TEX9: variants seen among roughly 807,000 people sequenced by gnomAD.
TEX9 encodes the protein testis-expressed protein 9.
Under a neutral mutation model 59.6 loss-of-function variants are expected in TEX9, and 74 were observed. That is an observed-to-expected ratio of 1.24 (90% CI 1.03 to 1.51). The LOEUF (loss-of-function observed/expected upper bound fraction) is 1.51. TEX9 is among the 40% of genes most tolerant of loss of function. TEX9 has a pLI of 0.00. For synonymous variants in TEX9, 186 were observed against 152.2 expected (o/e 1.22, Z -1.64); for missense variants, 522 against 447.8 (o/e 1.17, Z -1.49).
chr15:56,328,702 G>T (rs2046078758), intron 1 of TEX9, among the ~76,000 whole-genome samples: 1 of 152,142 alleles, frequency 6.6e-6, no homozygotes, highest in Non-Finnish European at 1.5e-5. Context: ...TCTGCTTGTG[G>T]AAAGGGGAGA....
At chr15:56,416,311 C>T (rs2049683684) in intron 10 of TEX9, among the ~76,000 whole-genome samples, 1 of 151,838 alleles carries the variant, frequency 6.6e-6, no homozygotes, top group Non-Finnish European at 1.5e-5. Context: ...GGGAATGCTT[C>T]CAGCTTTTGT....
intron 3 of TEX9, among the ~76,000 whole-genome samples, chr15:56,379,364 G>A (rs1288128280): frequency 6.6e-6 from 1 of 152,110 alleles, no homozygotes; most frequent in Non-Finnish European, 1.5e-5. Context: ...AGTTTCCAAA[G>A]TTCTGGTTAT....
chr15:56,272,345 A>C (rs80287334), intron 1 of TEX9, among the ~76,000 whole-genome samples: 2 of 152,214 alleles, frequency 1.3e-5, no homozygotes, highest in East Asian at 3.9e-4. Context: ...CATATTATGG[A>C]TATTTCATAT....
At chr15:56,301,525 A>G (rs1335113024) in intron 1 of TEX9, among the ~76,000 whole-genome samples, 2 of 152,164 alleles carry the variant, frequency 1.3e-5, no homozygotes, top group African/African-American at 2.4e-5. Context: ...GGATAAAGAA[A>G]GGATGCTAAA....
chr15:56,404,686 T>A (rs1416659168), intron 9 of TEX9, among the ~76,000 whole-genome samples: 1 of 152,216 alleles, frequency 6.6e-6, no homozygotes, highest in Non-Finnish European at 1.5e-5. Flanking sequence ...TGCACACGTA[T>A]GTTTATTGTG....
At chr15:56,440,590 C>G (rs1213916703) in intron 12 of TEX9, among the ~76,000 whole-genome samples, 1 of 151,736 alleles carries the variant, frequency 6.6e-6, no homozygotes, top group African/African-American at 2.4e-5. Flanking sequence ...GGCAAATGGT[C>G]AAATAAAATG....
At chr15:56,323,183 G>C (rs1340654783) in intron 1 of TEX9, 1 of 217,288 alleles carries the variant, frequency 4.6e-6, no homozygotes, top group African/African-American at 2.3e-5. Context: ...CAAACTTGTT[G>C]GGAGGAGCAC....
intron 12 of TEX9, among the ~76,000 whole-genome samples, chr15:56,436,085 T>C (rs1230472112): frequency 6.6e-6 from 1 of 152,128 alleles, no homozygotes. Flanking sequence ...GGAATTGAAC[T>C]CAGTTCTGCA....
chr15:56,276,805 G>A (rs1442309628), intron 1 of TEX9, among the ~76,000 whole-genome samples: 2 of 152,178 alleles, frequency 1.3e-5, no homozygotes, highest in African/African-American at 4.8e-5. Flanking sequence ...CAGTGTAAAA[G>A]CGTTCCTATT....
At chr15:56,380,325 C>T (rs1173835840) in intron 3 of TEX9, among the ~76,000 whole-genome samples, 1 of 152,154 alleles carries the variant, frequency 6.6e-6, no homozygotes, top group African/African-American at 2.4e-5. Context: ...TTACTTTTAT[C>T]TCCCTAGTTT....
chr15:56,376,976 T>G (rs2047485631), intron 3 of TEX9, among the ~76,000 whole-genome samples: 1 of 152,198 alleles, frequency 6.6e-6, no homozygotes, highest in South Asian at 2.1e-4. Flanking sequence ...CATGTGGATA[T>G]TCCGTTTTCC....
rs1339668537 is a variant in TEX9 at position 56,312,068 on chromosome 15, C to T, written c.-106-61373C>T. On this transcript the variant is annotated intron_variant, in intron 1 of 5. Transcript: ENST00000560827. ...AGCCCTTTGTCAGATGAGTAGGTTG[C>T]GAAAATTTTCTCCCATTTTGTAGGT... 2.1e-3 allele frequency among the ~76,000 whole-genome samples: 324 copies of T among 151,036 alleles called. 2 individuals are homozygous for T. The highest frequency in any genetic ancestry group is 7.6e-3 in the African/African-American group (313 of 41,444).
At chr15:56,397,858 T>G (rs971643399) in intron 9 of TEX9, 9 of 152,466 alleles carry the variant, frequency 5.9e-5, no homozygotes, top group African/African-American at 2.2e-4. Flanking sequence ...TGCCTTTACC[T>G]TCCAGCATGA....
chr15:56,426,589 G>GTGTATATATATA lies in TEX9; in HGVS notation c.964-1015_964-1014insGTATATATATAT, dbSNP rs1382910271. Among the ~76,000 whole-genome samples, 3 of 24,306 alleles carry GTGTATATATATA rather than the reference G, an allele frequency of 1.2e-4. 1 individual carries two copies. The highest frequency in any genetic ancestry group is 5.2e-4 in the Non-Finnish European group (3 of 5,776). 15.9% of individuals were successfully genotyped at this position (24,306 alleles called of 152,430 possible). A position where few individuals can be genotyped will look rare whatever the true frequency, so the allele number is the denominator to read the frequency against. ...TTTTTTTTTTTTTTTTTGAAAAGGT[G>GTGTATATATATA]TATATATATATATATATATATATAT... On this transcript the variant is annotated intron_variant, in intron 10 of 12. Transcript: ENST00000352903.
chr15:56,341,559 G>A (rs1212829419), intron 1 of TEX9, among the ~76,000 whole-genome samples: 1 of 152,044 alleles, frequency 6.6e-6, no homozygotes, highest in Non-Finnish European at 1.5e-5. Flanking sequence ...AGCTGACACA[G>A]GGATTCAGGT....
chr15:56,330,008 A>G (rs764086325), intron 1 of TEX9, among the ~76,000 whole-genome samples: 7 of 151,960 alleles, frequency 4.6e-5, no homozygotes, highest in African/African-American at 1.2e-4. Flanking sequence ...TAAAGAAAGG[A>G]TCCTAAAAGG....
chr15:56,305,973 A>C (rs1478538512), intron 1 of TEX9, among the ~76,000 whole-genome samples: 1 of 152,220 alleles, frequency 6.6e-6, no homozygotes, highest in African/African-American at 2.4e-5. Context: ...GGAAATGTCA[A>C]CAGGCTTTTC....
chr15:56,433,670 A>T (rs533229706), intron 12 of TEX9, among the ~76,000 whole-genome samples: 1 of 152,074 alleles, frequency 6.6e-6, no homozygotes, highest in Non-Finnish European at 1.5e-5. Context: ...CAATGCTCTC[A>T]CTTGAATCGT....
intron 1 of TEX9, among the ~76,000 whole-genome samples, chr15:56,287,707 C>T (rs1343420242): frequency 9.2e-5 from 14 of 152,064 alleles, no homozygotes; most frequent in Admixed American, 7.2e-4. Flanking sequence ...CATGTAGTGA[C>T]CATTTTCTCT....
Sources: allele counts gnomAD v4.1 joint callset (sites outside exome capture counted in the v4.1 genomes callset), GRCh38; gene constraint gnomAD v4.1.1; transcripts MANE v1.5; gene names NCBI Gene and HGNC (gene_info 2026-07-23, HGNC 2026-07-21).